Variants in ENTREP2 observed in about 807,000 individuals in gnomAD.
ENTREP2 encodes the protein protein ENTREP2.
chr15:29,332,741 C>T, the ENTREP2 span, among the ~76,000 whole-genome samples: 1 of 152,102 alleles, frequency 6.6e-6, no homozygotes, highest in Admixed American at 6.5e-5. Flanking sequence ...GGGCAGATCA[C>T]CTGAGGTTGG....
the ENTREP2 span, among the ~76,000 whole-genome samples, chr15:29,207,877 T>C: frequency 6.6e-6 from 1 of 152,214 alleles, no homozygotes; most frequent in East Asian, 1.9e-4. Context: ...ACAATGGGCG[T>C]GGAATCATGT....
At chr15:29,489,926 A>G in the ENTREP2 span, among the ~76,000 whole-genome samples, 1 of 152,268 alleles carries the variant, frequency 6.6e-6, no homozygotes, top group East Asian at 1.9e-4. Context: ...GATCACCACA[A>G]AAATGTTCAA....
chr15:29,399,396 T>G, the ENTREP2 span, among the ~76,000 whole-genome samples: 1 of 151,720 alleles, frequency 6.6e-6, no homozygotes, highest in Non-Finnish European at 1.5e-5. Context: ...CTAATAACAC[T>G]AAAAAGGAAA....
At chr15:29,357,575 C>T in the ENTREP2 span, among the ~76,000 whole-genome samples, 4 of 152,156 alleles carry the variant, frequency 2.6e-5, no homozygotes, top group African/African-American at 4.8e-5. Context: ...TGGTGGCTCA[C>T]GCCTGTAATC....
chr15:29,566,647 G>C, the ENTREP2 span, among the ~76,000 whole-genome samples: 1 of 152,118 alleles, frequency 6.6e-6, no homozygotes, highest in Non-Finnish European at 1.5e-5. Context: ...AGTAGAGACA[G>C]GGTTTCGCCA....
the ENTREP2 span, among the ~76,000 whole-genome samples, chr15:29,134,561 G>A: frequency 1.3e-5 from 2 of 152,192 alleles, no homozygotes; most frequent in African/African-American, 4.8e-5. Flanking sequence ...CCCAGGTGCG[G>A]GGCACCTTAC....
chr15:29,385,468 C>A, the ENTREP2 span, among the ~76,000 whole-genome samples: 1 of 152,178 alleles, frequency 6.6e-6, no homozygotes, highest in Non-Finnish European at 1.5e-5. Flanking sequence ...TTCTCCTACA[C>A]AAAGCAAAAG....
chr15:29,382,245 G>A, the ENTREP2 span, among the ~76,000 whole-genome samples: 1 of 144,540 alleles, frequency 6.9e-6, no homozygotes, highest in Non-Finnish European at 1.5e-5. Context: ...CTGGGAGGCA[G>A]AGCGAGACTC....
chr15:29,454,296 T>C, the ENTREP2 span, among the ~76,000 whole-genome samples: 1 of 152,260 alleles, frequency 6.6e-6, no homozygotes, highest in Non-Finnish European at 1.5e-5. Flanking sequence ...AATGTTTTCT[T>C]ATTGATTTAT....
At chr15:29,651,499 G>A in the ENTREP2 span, among the ~76,000 whole-genome samples, 33 of 152,144 alleles carry the variant, frequency 2.2e-4, no homozygotes, top group Non-Finnish European at 4.0e-4. Context: ...CTGAAGCCCC[G>A]CCCTCCCTGG....
the ENTREP2 span, among the ~76,000 whole-genome samples, chr15:29,592,751 A>T: frequency 6.6e-6 from 1 of 152,154 alleles, no homozygotes; most frequent in South Asian, 2.1e-4. Flanking sequence ...TCATGAATAG[A>T]TTAATGCTGT....
chr15:29,203,577 G>A, the ENTREP2 span, among the ~76,000 whole-genome samples: 1 of 151,820 alleles, frequency 6.6e-6, no homozygotes, highest in Non-Finnish European at 1.5e-5. Flanking sequence ...CATGTTTGTT[G>A]GCTGATATAT....
chr15:29,522,578 G>T, the ENTREP2 span, among the ~76,000 whole-genome samples: 2 of 152,126 alleles, frequency 1.3e-5, no homozygotes, highest in Non-Finnish European at 2.9e-5. Flanking sequence ...GAACAGGTGA[G>T]CTTTGTGGCA....
the ENTREP2 span, among the ~76,000 whole-genome samples, chr15:29,483,483 A>G: frequency 1.3e-5 from 2 of 152,220 alleles, no homozygotes; most frequent in East Asian, 1.9e-4. Context: ...ACTTAGGTCT[A>G]TGATCTATTT....
chr15:29,372,649 A>C, the ENTREP2 span, among the ~76,000 whole-genome samples: 1 of 152,202 alleles, frequency 6.6e-6, no homozygotes, highest in Non-Finnish European at 1.5e-5. Flanking sequence ...CCACTGTGTA[A>C]CTTTACAAAC....
chr15:29,611,193 C>A, the ENTREP2 span: 1 of 152,252 alleles, frequency 6.6e-6, no homozygotes. Context: ...CTAAACTCCC[C>A]CAGTCCCTAG....
the ENTREP2 span, among the ~76,000 whole-genome samples, chr15:29,224,755 G>A: frequency 2.2e-4 from 33 of 152,352 alleles, no homozygotes; most frequent in African/African-American, 7.2e-4. Flanking sequence ...GCACCGGGCC[G>A]CAGGTGGAGC....
At chr15:29,552,184 G>A in the ENTREP2 span, among the ~76,000 whole-genome samples, 2 of 152,008 alleles carry the variant, frequency 1.3e-5, no homozygotes, top group East Asian at 1.9e-4. Flanking sequence ...AAACAGAGGC[G>A]GCCTGAGATT....
At chr15:29,631,024 A>G in the ENTREP2 span, among the ~76,000 whole-genome samples, 1 of 152,220 alleles carries the variant, frequency 6.6e-6, no homozygotes, top group African/African-American at 2.4e-5. Flanking sequence ...CACTAATTTT[A>G]TTCTCCGTCA....
Sources: allele counts gnomAD v4.1 joint callset (sites outside exome capture counted in the v4.1 genomes callset), GRCh38; gene constraint gnomAD v4.1.1; transcripts MANE v1.5; gene names NCBI Gene and HGNC (gene_info 2026-07-23, HGNC 2026-07-21).